The following UNC13C variants were observed in gnomAD, a reference collection of about 807,000 sequenced individuals.
UNC13C encodes unc-13 homolog C.
UNC13C carries 174 observed loss-of-function variants against 245.4 expected under a neutral mutation model. The observed-to-expected ratio is 0.71, with a 90% CI of 0.63 to 0.80. The LOEUF is 0.80. UNC13C is among the 30% of genes least tolerant of loss of function. UNC13C has a pLI of 0.00. For synonymous variants in UNC13C, 992 were observed against 895.1 expected, an observed-to-expected ratio of 1.11 and a Z score of -1.93; for missense variants, 2,829 against 2,602.9, an observed-to-expected ratio of 1.09 and a Z score of -1.89.
intron 19 of UNC13C, among the ~76,000 whole-genome samples, chr15:54,452,046 A>G (rs752304004): frequency 2.0e-5 from 3 of 152,216 alleles, no homozygotes; most frequent in Non-Finnish European, 4.4e-5. Flanking sequence ...AATCAGTGGT[A>G]TCTGTGATTT....
chr15:53,920,684 G>A, the UNC13C span, among the ~76,000 whole-genome samples: 2 of 151,932 alleles, frequency 1.3e-5, no homozygotes, highest in Admixed American at 6.6e-5. Context: ...AGGAGGTTAC[G>A]AAGCATAGCA....
rs796380443 is a variant in UNC13C at position 54,236,018 on chromosome 15, T to A, written c.3151-412T>A. ...ATTGACCATGGCCTACATTAGATTGTAAAAAAAAAAAAATCATCGTGAAAA... is the reference window on the plus strand; with the variant it reads ...ATTGACCATGGCCTACATTAGATTGAAAAAAAAAAAAAATCATCGTGAAAA... On this transcript the variant is annotated intron_variant, in intron 5 of 32. Transcript: ENST00000260323. Among the ~76,000 whole-genome samples, 23 of 146,820 alleles carry A rather than the reference T, an allele frequency of 1.6e-4. 2 individuals are homozygous for A. The highest frequency in any genetic ancestry group is 5.5e-4 in the African/African-American group (22 of 40,222).
chr15:53,903,884 T>C, the UNC13C span, among the ~76,000 whole-genome samples: 6 of 152,230 alleles, frequency 3.9e-5, no homozygotes, highest in African/African-American at 1.4e-4. Flanking sequence ...TAAAGGAAGA[T>C]ATTGAAATTT....
chr15:53,941,212 A>G, the UNC13C span, among the ~76,000 whole-genome samples: 4 of 152,168 alleles, frequency 2.6e-5, no homozygotes, highest in Admixed American at 2.0e-4. Flanking sequence ...ATGATCCCCT[A>G]TTTAATAAAT....
intron 19 of UNC13C, among the ~76,000 whole-genome samples, chr15:54,443,377 T>A (rs1286451245): frequency 6.6e-6 from 1 of 152,098 alleles, no homozygotes; most frequent in Non-Finnish European, 1.5e-5. Flanking sequence ...ATTGATCCTT[T>A]GTATTTTTTA....
At chr15:54,492,953 G>A (rs1439642491) in intron 19 of UNC13C, among the ~76,000 whole-genome samples, 2 of 152,272 alleles carry the variant, frequency 1.3e-5, no homozygotes, top group South Asian at 4.2e-4. Flanking sequence ...ACTCACAAGA[G>A]GAAATATTTA....
the UNC13C span, among the ~76,000 whole-genome samples, chr15:53,840,041 TCTTTA>T: frequency 6.6e-6 from 1 of 152,268 alleles, no homozygotes; most frequent in Non-Finnish European, 1.5e-5. Flanking sequence ...TTCCAGCGAT[TCTTTA>T]CTTATAGCAA....
chr15:54,504,119 G>T (rs945571487), intron 22 of UNC13C, among the ~76,000 whole-genome samples: 4 of 152,080 alleles, frequency 2.6e-5, no homozygotes, highest in Non-Finnish European at 4.4e-5. Flanking sequence ...TTATAGTGCT[G>T]CTCTTGACAA....
At chr15:54,424,304 C>T (rs2040713083) in intron 19 of UNC13C, among the ~76,000 whole-genome samples, 1 of 151,784 alleles carries the variant, frequency 6.6e-6, no homozygotes, top group Admixed American at 6.6e-5. Flanking sequence ...AATGTTTTGG[C>T]AACAAAAGAA....
chr15:53,931,170 T>C, the UNC13C span, among the ~76,000 whole-genome samples: 1 of 152,028 alleles, frequency 6.6e-6, no homozygotes, highest in Non-Finnish European at 1.5e-5. Flanking sequence ...TATTTATTTA[T>C]GTATTTATTT....
chr15:54,373,536 T>G (rs1423560679), intron 17 of UNC13C, among the ~76,000 whole-genome samples: 1 of 152,114 alleles, frequency 6.6e-6, no homozygotes, highest in Admixed American at 6.5e-5. Flanking sequence ...GCCAGCTCCC[T>G]GCAAGGCTGC....
intron 19 of UNC13C, among the ~76,000 whole-genome samples, chr15:54,463,817 T>C (rs1166159397): frequency 6.6e-6 from 1 of 152,132 alleles, no homozygotes; most frequent in Non-Finnish European, 1.5e-5. Flanking sequence ...GGCAGAATTC[T>C]TGAAATTGAG....
chr15:54,534,729 A>C (rs1297207314), intron 26 of UNC13C, among the ~76,000 whole-genome samples: 1 of 152,222 alleles, frequency 6.6e-6, no homozygotes, highest in South Asian at 2.1e-4. Flanking sequence ...CATTTTAAGA[A>C]AGAATCAAAG....
chr15:54,522,766 T>C (rs976183891), intron 24 of UNC13C, among the ~76,000 whole-genome samples: 1 of 152,220 alleles, frequency 6.6e-6, no homozygotes, highest in Non-Finnish European at 1.5e-5. Flanking sequence ...AAATTTTCAT[T>C]GTGTATATTC....
chr15:54,304,653 T>A (rs1396818133), intron 13 of UNC13C, among the ~76,000 whole-genome samples: 64 of 123,276 alleles, frequency 5.2e-4, no homozygotes, highest in Non-Finnish European at 6.7e-4. Flanking sequence ...GAGATGTAAC[T>A]AAAAAAAAAA....
chr15:53,991,018 A>G (rs1355286131), intron 1 of UNC13C, among the ~76,000 whole-genome samples: 1 of 152,042 alleles, frequency 6.6e-6, no homozygotes, highest in African/African-American at 2.4e-5. Context: ...AAGTAGGGCC[A>G]CACCTACTTC....
the UNC13C span, among the ~76,000 whole-genome samples, chr15:53,869,938 G>A: frequency 6.6e-6 from 1 of 152,186 alleles, no homozygotes. Context: ...TGTACCTACT[G>A]TGAACTATTT....
At chr15:54,109,296 TTCCCCTCCCCTCCCC>T (rs1251169408) in intron 2 of UNC13C, among the ~76,000 whole-genome samples, 1 of 22,638 alleles carries the variant, frequency 4.4e-5, no homozygotes. Flanking sequence ...CTCCCCTCCC[TTCCCCTCCCCTCCCC>T]TCCCCTCCCT....
At chr15:54,101,941 A>G (rs1233146773) in intron 2 of UNC13C, among the ~76,000 whole-genome samples, 1 of 151,524 alleles carries the variant, frequency 6.6e-6, no homozygotes, top group Non-Finnish European at 1.5e-5. Context: ...ATTTCAAAAA[A>G]CACTGGCATG....
Sources: allele counts gnomAD v4.1 joint callset (sites outside exome capture counted in the v4.1 genomes callset), GRCh38; gene constraint gnomAD v4.1.1; transcripts MANE v1.5; gene names NCBI Gene and HGNC (gene_info 2026-07-23, HGNC 2026-07-21).